Variants in TAC4 observed in about 807,000 individuals in gnomAD.
TAC4 encodes tachykinin-4.
Under a neutral mutation model 17.7 loss-of-function variants are expected in TAC4, and 17 were observed. The observed-to-expected ratio is 0.96, with a 90% CI of 0.66 to 1.44. The LOEUF is 1.44. TAC4 is among the 40% of genes most tolerant of loss of function. The pLI is 0.00. For synonymous variants in TAC4, 62 were observed against 52.4 expected (o/e 1.18, Z -0.79); for missense variants, 118 against 125.6 (o/e 0.94, Z 0.29).
chr17:49,847,158 A>G, intron 1 of TAC4: 1 of 1,289,782 alleles, frequency 7.8e-7, no homozygotes, highest in Non-Finnish European at 1.0e-6. Flanking sequence ...TGTCCTTACC[A>G]TCCTGGGAAT....
At chr17:49,847,593 A>T (rs925052696) in intron 1 of TAC4, 1 of 361,706 alleles carries the variant, frequency 2.8e-6, no homozygotes, top group Non-Finnish European at 5.3e-6. Context: ...CATGAGGTTG[A>T]TGGGAGGATT....
In TAC4 at chr17:49,845,147, T is replaced by A. The variant is rs539342421; in HGVS notation, c.106-990A>T. Among the ~76,000 whole-genome samples, 236 of 152,282 alleles carry A rather than the reference T, an allele frequency of 1.5e-3. 1 individual carries two copies. Among genetic ancestry groups the A allele is most frequent in the African/African-American group, 5.6e-3 (233 of 41,562 alleles). On this transcript the variant is annotated intron_variant, in intron 1 of 4. Coordinates refer to ENST00000436235, the MANE Select transcript of TAC4 (RefSeq NM_001077506.2). Reference sequence around the variant, plus strand: ...CCTCCTTATCCCCACTCACCTCTCTTCCCCAGGCACTTCCCCCATTGTCCC... The same window carrying A: ...CCTCCTTATCCCCACTCACCTCTCTACCCCAGGCACTTCCCCCATTGTCCC...
intron 3 of TAC4, among the ~76,000 whole-genome samples, chr17:49,840,228 G>A (rs2074486753): frequency 6.6e-6 from 1 of 152,330 alleles, no homozygotes; most frequent in East Asian, 1.9e-4. Context: ...CAGACCTGAT[G>A]CCTGCCTGTT....
At chr17:49,841,960 G>C (rs1428190081) in intron 2 of TAC4, among the ~76,000 whole-genome samples, 3 of 140,436 alleles carry the variant, frequency 2.1e-5, no homozygotes, top group African/African-American at 5.3e-5. Context: ...CTGGAGTGCA[G>C]TGGTGCGATC....
At chr17:49,847,282 G>A (rs1424128493) in intron 1 of TAC4, 1 of 1,278,532 alleles carries the variant, frequency 7.8e-7, no homozygotes, top group Non-Finnish European at 1.0e-6. Flanking sequence ...TCCCTTGTCT[G>A]ATTAGGGAAC....
intron 2 of TAC4, among the ~76,000 whole-genome samples, chr17:49,842,737 C>G (rs1462972784): frequency 6.6e-6 from 1 of 152,138 alleles, no homozygotes; most frequent in Non-Finnish European, 1.5e-5. Context: ...CTTTCTCCCC[C>G]CTCATCTCCA....
rs139888424 is a variant in TAC4 at position 49,843,660 on chromosome 17, C to A, written c.199+404G>T. Reference sequence around the variant, plus strand: ...CCAGGCTGGAGTGTAGTGGCATGATCTTGGCTCACTGCAACCTCTGCCTCC... The same window carrying A: ...CCAGGCTGGAGTGTAGTGGCATGATATTGGCTCACTGCAACCTCTGCCTCC... On this transcript the variant is annotated intron_variant, in intron 2 of 4. Coordinates refer to ENST00000436235, the MANE Select transcript of TAC4 (RefSeq NM_001077506.2). 5.3e-3 allele frequency among the ~76,000 whole-genome samples: 800 copies of A among 152,336 alleles called. 8 individuals carry two copies. The highest frequency in any genetic ancestry group is 0.018 in the African/African-American group (748 of 41,576).
intron 1 of TAC4, chr17:49,846,373 TC>T: frequency 4.0e-6 from 2 of 502,430 alleles, no homozygotes; most frequent in Non-Finnish European, 6.5e-6. Flanking sequence ...ACTTCCTGGG[TC>T]CCAGTGATCC....
chr17:49,841,416 C>T, intron 3 of TAC4, 136 bp downstream of exon 3: 1 of 863,842 alleles, frequency 1.2e-6, no homozygotes. Context: ...CACACTGGCC[C>T]CACCTCTGCA....
intron 1 of TAC4, chr17:49,847,692 GACAC>G (rs150685532): frequency 0.26 from 114,311 of 431,962 alleles, 8,395 homozygotes; most frequent in East Asian, 0.56. Flanking sequence ...CACACACACA[GACAC>G]ACACACACAC....
intron 3 of TAC4, 49 bp from the exon 4 acceptor site, chr17:49,839,958 G>C: frequency 6.3e-7 from 1 of 1,589,410 alleles, no homozygotes; most frequent in Non-Finnish European, 8.6e-7. Context: ...GCAGAGGTAG[G>C]CTGTTTTGGG....
chr17:49,838,719 T>A (rs1253730542), intron 4 of TAC4, 46 bp from the exon 5 acceptor site: 2 of 1,599,826 alleles, frequency 1.3e-6, no homozygotes, highest in South Asian at 2.2e-5. Flanking sequence ...GGGGGTCTTG[T>A]CTGGCTCCTC....
intron 1 of TAC4, among the ~76,000 whole-genome samples, chr17:49,844,579 G>C (rs1402622796): frequency 6.6e-6 from 1 of 152,056 alleles, no homozygotes; most frequent in Non-Finnish European, 1.5e-5. Context: ...CCAACATGGT[G>C]AAACCCCGTC....
At chr17:49,846,108 G>C (rs78076019) in intron 1 of TAC4, 3 of 787,162 alleles carry the variant, frequency 3.8e-6, no homozygotes, top group Admixed American at 6.2e-5. Flanking sequence ...TGGTGGGGGG[G>C]CATTCGGAGA....
intron 2 of TAC4, among the ~76,000 whole-genome samples, chr17:49,842,486 C>T (rs1296960828): frequency 2.6e-5 from 4 of 151,588 alleles, no homozygotes; most frequent in Non-Finnish European, 5.9e-5. Flanking sequence ...GCTGAGATTG[C>T]GCCATTGCAC....
At position 49,847,118 on chromosome 17, in the gene TAC4, G is replaced by A. The variant is rs566282886; in HGVS notation, c.105+795C>T. The A allele has an allele frequency of 1.9e-4, 245 of 1,289,804 alleles. No individual in the cohort carries two copies. In the African/African-American group the frequency reaches 3.0e-3, roughly 16 times the overall value. The allele number at this position is 1,289,804 out of a possible 1,614,324, so 79.9% of individuals were successfully genotyped here. On this transcript the variant is annotated intron_variant, in intron 1 of 4. Coordinates refer to ENST00000436235, the MANE Select transcript of TAC4 (RefSeq NM_001077506.2). ...AAGCGCCTCCGAGGACCTCATCGTG[G>A]CCCAGGACCGCAAGCCAAGGCCACC... is the stretch of plus-strand genomic sequence containing the variant.
rs1397950177 is a variant in TAC4 at position 49,844,172 on chromosome 17, AGTTAGT to A, written c.106-21_106-16del. ...CCAGCGCCTTCCTGAAGAAGCAGAGAGTTAGTGTTAGAGTTGGGAGGTTGTCCAGCA... is the reference window on the plus strand; with the variant it reads ...CCAGCGCCTTCCTGAAGAAGCAGAGAGTTAGAGTTGGGAGGTTGTCCAGCA... On this transcript the variant is annotated splice_polypyrimidine_tract_variant and intron_variant, in intron 1 of 4. Coordinates refer to ENST00000436235, the MANE Select transcript of TAC4 (RefSeq NM_001077506.2). 5 of 1,613,110 alleles carry A rather than the reference AGTTAGT, an allele frequency of 3.1e-6. No homozygotes were observed. The highest frequency in any genetic ancestry group is 4.2e-6 in the Non-Finnish European group (5 of 1,179,370).
chr17:49,847,091 C>G (rs2074547190), intron 1 of TAC4: 1 of 1,289,992 alleles, frequency 7.8e-7, no homozygotes, highest in Non-Finnish European at 1.0e-6. Flanking sequence ...GGCTCCATTT[C>G]TAAGCGCCTC....
intron 1 of TAC4, among the ~76,000 whole-genome samples, chr17:49,844,652 G>A (rs1396444815): frequency 6.6e-6 from 1 of 152,182 alleles, no homozygotes; most frequent in Non-Finnish European, 1.5e-5. Flanking sequence ...CAGCTACTCA[G>A]GAGGCTGAGG....
Sources: allele counts gnomAD v4.1 joint callset (sites outside exome capture counted in the v4.1 genomes callset), GRCh38; gene constraint gnomAD v4.1.1; transcripts MANE v1.5; gene names NCBI Gene and HGNC (gene_info 2026-07-23, HGNC 2026-07-21).